The following ATF7 variants were observed in gnomAD, a reference collection of about 807,000 sequenced individuals.
ATF7 encodes activating transcription factor 7.
Under a neutral mutation model 50.4 loss-of-function variants are expected in ATF7, and 10 were observed. That is an observed-to-expected ratio of 0.20 (90% CI 0.12 to 0.34). The LOEUF is 0.34. Among genes scored for constraint, ATF7 ranks in the 10% least tolerant of loss-of-function variants. ATF7 has a pLI of 1.00. For synonymous variants in ATF7, 201 were observed against 226.4 expected (o/e 0.89, Z 1.01); for missense variants, 465 against 613.9 (o/e 0.76, Z 2.56).
At chr12:53,554,768 C>T (rs958731913) in intron 2 of ATF7, among the ~76,000 whole-genome samples, 2 of 147,800 alleles carry the variant, frequency 1.4e-5, no homozygotes, top group African/African-American at 5.0e-5. Context: ...GAGACTGAGG[C>T]ACGAGAATTG....
chr12:53,572,567 GA>G (rs1941822061), intron 2 of ATF7, among the ~76,000 whole-genome samples: 2 of 152,096 alleles, frequency 1.3e-5, no homozygotes, highest in South Asian at 4.1e-4. Flanking sequence ...TTGGCGGGGG[GA>G]AAGGGAAAAG....
At chr12:53,554,325 T>C (rs971913538) in intron 2 of ATF7, among the ~76,000 whole-genome samples, 1 of 151,690 alleles carries the variant, frequency 6.6e-6, no homozygotes, top group African/African-American at 2.4e-5. Flanking sequence ...GAGATGGGGT[T>C]TCACCATATT....
In ATF7 at chr12:53,552,605, A is replaced by G. The variant is rs1940447591; in HGVS notation, c.81T>C (p.His27=). The G allele has an allele frequency of 6.2e-7, 1 of 1,613,952 alleles. No individual in the cohort carries two copies. The highest frequency in any genetic ancestry group is 1.1e-5 in the South Asian group (1 of 91,084). Reference sequence around the variant, plus strand: ...TCAATGTCATCTCATGCTTGTGTTTATGAACTGCCAGGTGGTCCTCGTTTG... The same window carrying G: ...TCAATGTCATCTCATGCTTGTGTTTGTGAACTGCCAGGTGGTCCTCGTTTG... ...RFTNEDHLAV[H]KHKHEMTLKF... Residue 27 remains histidine (H), a synonymous_variant, in exon 3 of 12, where the codon CAT becomes CAC. Coordinates refer to ENST00000420353, the MANE Select transcript of ATF7 (RefSeq NM_006856.3).
intron 10 of ATF7, among the ~76,000 whole-genome samples, chr12:53,523,941 TA>T (rs1350536279): frequency 6.6e-6 from 1 of 152,030 alleles, no homozygotes; most frequent in African/African-American, 2.4e-5. Context: ...GAACTATAAA[TA>T]AAAAATATTT....
chr12:53,558,940 T>C (rs570265399), intron 2 of ATF7, among the ~76,000 whole-genome samples: 1 of 152,256 alleles, frequency 6.6e-6, no homozygotes, highest in African/African-American at 2.4e-5. Context: ...TAGGAGAATC[T>C]AGAATCTCTC....
intron 2 of ATF7, among the ~76,000 whole-genome samples, chr12:53,579,861 G>C (rs1391633852): frequency 6.6e-6 from 1 of 152,134 alleles, no homozygotes; most frequent in Non-Finnish European, 1.5e-5. Flanking sequence ...AGCCCAACGG[G>C]GTTTTTTCTG....
chr12:53,578,552 C>T (rs779820674), intron 2 of ATF7, among the ~76,000 whole-genome samples: 24 of 151,748 alleles, frequency 1.6e-4, no homozygotes, highest in Admixed American at 3.9e-4. Flanking sequence ...GAGGCTGAGG[C>T]GGGAGGACTG....
chr12:53,595,282 C>A (rs1460933224), intron 2 of ATF7, among the ~76,000 whole-genome samples: 2 of 152,202 alleles, frequency 1.3e-5, no homozygotes, highest in Non-Finnish European at 2.9e-5. Flanking sequence ...ATTTACCTAC[C>A]AGAGCCATTG....
intron 2 of ATF7, among the ~76,000 whole-genome samples, chr12:53,587,820 CATATAT>C (rs1242121330): frequency 0.03 from 2,027 of 67,034 alleles, 61 homozygotes; most frequent in Non-Finnish European, 0.041. Context: ...TATACTTCTA[CATATAT>C]ATATATATAT....
At chr12:53,555,186 G>C (rs1940646931) in intron 2 of ATF7, among the ~76,000 whole-genome samples, 1 of 151,956 alleles carries the variant, frequency 6.6e-6, no homozygotes, top group African/African-American at 2.4e-5. Flanking sequence ...GGGCATGGTG[G>C]CACATGCCTA....
intron 9 of ATF7, among the ~76,000 whole-genome samples, chr12:53,526,202 C>T (rs1436600254): frequency 2.3e-5 from 3 of 128,456 alleles, no homozygotes; most frequent in Admixed American, 1.7e-4. Context: ...GAGTGAAACT[C>T]GGTCTCAAAA....
chr12:53,520,708 C>T (rs1478217481), intron 11 of ATF7, among the ~76,000 whole-genome samples: 1 of 152,050 alleles, frequency 6.6e-6, no homozygotes, highest in Non-Finnish European at 1.5e-5. Context: ...CCTGATATAC[C>T]TCCCAAACCA....
At chr12:53,562,457 T>A (rs992075518) in intron 2 of ATF7, among the ~76,000 whole-genome samples, 1 of 151,974 alleles carries the variant, frequency 6.6e-6, no homozygotes, top group African/African-American at 2.4e-5. Flanking sequence ...CTGGCCAACA[T>A]GGTGAAACCC....
At chr12:53,587,671 CA>C (rs1187023918) in intron 2 of ATF7, among the ~76,000 whole-genome samples, 5,500 of 118,916 alleles carry the variant, frequency 0.046, 301 homozygotes, top group African/African-American at 0.15. Flanking sequence ...ATAGAGCGAT[CA>C]AAAAAAAAAA....
At chr12:53,552,003 A>C (rs1940388479) in intron 3 of ATF7, among the ~76,000 whole-genome samples, 1 of 152,208 alleles carries the variant, frequency 6.6e-6, no homozygotes, top group South Asian at 2.1e-4. Flanking sequence ...AGGTCACCCA[A>C]ATTGGCTTAG....
At chr12:53,588,684 TG>T (rs1391159975) in intron 2 of ATF7, among the ~76,000 whole-genome samples, 1 of 152,232 alleles carries the variant, frequency 6.6e-6, no homozygotes, top group Non-Finnish European at 1.5e-5. Context: ...AATGCTTCTC[TG>T]GGCCTATTAG....
chr12:53,540,226 C>T (rs913138199), intron 4 of ATF7, among the ~76,000 whole-genome samples: 3 of 151,754 alleles, frequency 2.0e-5, no homozygotes, highest in African/African-American at 7.3e-5. Flanking sequence ...TGGCATGGAC[C>T]TGTAGTCCCA....
At chr12:53,617,422 G>A (rs1944185343) in intron 1 of ATF7, among the ~76,000 whole-genome samples, 1 of 152,282 alleles carries the variant, frequency 6.6e-6, no homozygotes, top group East Asian at 1.9e-4. Context: ...GAGGTCACGG[G>A]TGCGAGAGCA....
chr12:53,603,981 C>A (rs1201232632), intron 1 of ATF7, among the ~76,000 whole-genome samples: 1 of 152,190 alleles, frequency 6.6e-6, no homozygotes, highest in Non-Finnish European at 1.5e-5. Flanking sequence ...ATTTAACTCA[C>A]AGCTCATTTA....
Sources: gnomAD v4.1 joint callset for allele counts (sites outside exome capture counted in the v4.1 genomes callset) on GRCh38, gnomAD v4.1.1 for gene constraint, MANE v1.5 for transcripts, NCBI Gene and HGNC (gene_info 2026-07-23, HGNC 2026-07-21) for gene names.